MCHR2: variants seen among roughly 807,000 people sequenced by gnomAD.
MCHR2 encodes melanin-concentrating hormone receptor 2.
In MCHR2, 15 loss-of-function variants were observed where a neutral mutation model predicts 24.8. That is an observed-to-expected ratio of 0.60 (90% CI 0.40 to 0.93). The LOEUF (loss-of-function observed/expected upper bound fraction) is 0.93, where lower values mean the gene tolerates loss of function less well. MCHR2 is among the 40% of genes least tolerant of loss of function. The pLI is 0.00. For synonymous variants in MCHR2, 151 were observed against 147.6 expected (o/e 1.02, Z -0.17); for missense variants, 386 against 408.7 (o/e 0.94, Z 0.48).
At chr6:99,958,113 G>A (rs1775102391) in intron 1 of MCHR2, among the ~76,000 whole-genome samples, 1 of 152,062 alleles carries the variant, frequency 6.6e-6, no homozygotes, top group Admixed American at 6.6e-5. Flanking sequence ...AATCTACACA[G>A]TGTGATATTT....
chr6:99,984,096 A>G (rs896166867), intron 1 of MCHR2, among the ~76,000 whole-genome samples: 3 of 152,206 alleles, frequency 2.0e-5, no homozygotes, highest in African/African-American at 7.2e-5. Context: ...CATAATAAAG[A>G]AGTCCAGAAG....
intron 4 of MCHR2, among the ~76,000 whole-genome samples, chr6:99,940,020 C>T (rs2114517181): frequency 6.6e-6 from 1 of 151,410 alleles, no homozygotes; most frequent in Middle Eastern, 3.4e-3. Flanking sequence ...AGAGTTCTAT[C>T]TTTGTCTTTG....
At chr6:99,967,090 T>C (rs1775308805) in intron 1 of MCHR2, among the ~76,000 whole-genome samples, 1 of 152,014 alleles carries the variant, frequency 6.6e-6, no homozygotes, top group Non-Finnish European at 1.5e-5. Context: ...TTTTGACACT[T>C]ACTTGAAATA....
At chr6:99,968,022 T>G (rs1188557618) in intron 1 of MCHR2, among the ~76,000 whole-genome samples, 1 of 152,214 alleles carries the variant, frequency 6.6e-6, no homozygotes, top group Non-Finnish European at 1.5e-5. Flanking sequence ...TATCTCATAC[T>G]GAGGTTGTGA....
At chr6:99,946,766 T>C (rs1326572426) in intron 3 of MCHR2, among the ~76,000 whole-genome samples, 1 of 152,102 alleles carries the variant, frequency 6.6e-6, no homozygotes, top group Non-Finnish European at 1.5e-5. Context: ...GAGGATTAAA[T>C]GTGTTGGGCT....
At chr6:99,967,745 C>A (rs1775320906) in intron 1 of MCHR2, among the ~76,000 whole-genome samples, 1 of 152,150 alleles carries the variant, frequency 6.6e-6, no homozygotes, top group Admixed American at 6.6e-5. Context: ...TCCATACACA[C>A]CTATGGATCC....
chr6:99,930,971 T>G (rs1774511391), intron 5 of MCHR2, among the ~76,000 whole-genome samples: 1 of 152,162 alleles, frequency 6.6e-6, no homozygotes, highest in Non-Finnish European at 1.5e-5. Flanking sequence ...CTTTGTGGTT[T>G]TATCTACTTT....
At position 99,986,463 on chromosome 6, in the gene MCHR2, A is replaced by G. The variant is rs772467938; in HGVS notation, c.-28+7473T>C. On this transcript the variant is annotated intron_variant, in intron 1 of 5. Transcript: ENST00000281806. ...AGCAGATAAAGAAAATGTGGTATAT[A>G]TGTATACTATGGAATCCTACTCAGT... Among the ~76,000 whole-genome samples the G allele has an allele frequency of 4.8e-4, 73 of 152,312 alleles. 1 individual carries two copies. Among genetic ancestry groups the G allele is most frequent in the Admixed American group, 2.4e-3 (36 of 15,296 alleles).
At chr6:99,930,311 T>G (rs971704773) in intron 5 of MCHR2, among the ~76,000 whole-genome samples, 1 of 152,200 alleles carries the variant, frequency 6.6e-6, no homozygotes, top group Non-Finnish European at 1.5e-5. Flanking sequence ...CTGACTATTA[T>G]GTGTCTTGGA....
Position 99,919,383 on chromosome 6 carries a change from G to A in MCHR2, c.*1557C>T, listed in dbSNP as rs961170598. Among the ~76,000 whole-genome samples, 1 of 152,134 alleles carries A rather than the reference G, an allele frequency of 6.6e-6. No individual in the cohort carries two copies. Among genetic ancestry groups the A allele is most frequent in the Admixed American group, 6.5e-5 (1 of 15,270 alleles). ...AATACAAGTTTATCCAAACACAATT[G>A]AAATATAAAAATGGAGATCAGATAT... On this transcript the variant is annotated 3_prime_UTR_variant, in exon 6 of 6. Coordinates refer to ENST00000281806, the MANE Select transcript of MCHR2 (RefSeq NM_001040179.2).
intron 1 of MCHR2, among the ~76,000 whole-genome samples, chr6:99,958,475 G>A (rs972524316): frequency 1.3e-5 from 2 of 151,868 alleles, no homozygotes; most frequent in Admixed American, 1.3e-4. Context: ...GGTCCTTGGA[G>A]TAAAAAATTC....
chr6:99,941,560 T>A (rs1183104773), intron 4 of MCHR2, among the ~76,000 whole-genome samples: 1 of 152,078 alleles, frequency 6.6e-6, no homozygotes, highest in Non-Finnish European at 1.5e-5. Context: ...ACTAATTAAG[T>A]CATGAGAGTC....
At chr6:99,986,673 G>A (rs1345315062) in intron 1 of MCHR2, among the ~76,000 whole-genome samples, 2 of 152,018 alleles carry the variant, frequency 1.3e-5, no homozygotes, top group Admixed American at 1.3e-4. Context: ...TCCAAAAGGT[G>A]GGAAGGTGGG....
intron 1 of MCHR2, among the ~76,000 whole-genome samples, chr6:99,972,108 A>G (rs1353206320): frequency 1.3e-5 from 2 of 152,240 alleles, no homozygotes; most frequent in Admixed American, 6.5e-5. Flanking sequence ...CTCTTTTTCT[A>G]TTGATTGGAA....
At chr6:99,924,168 C>G (rs1310605498) in intron 5 of MCHR2, among the ~76,000 whole-genome samples, 1 of 152,040 alleles carries the variant, frequency 6.6e-6, no homozygotes, top group Non-Finnish European at 1.5e-5. Context: ...TTGTCCATTT[C>G]TTCTAGGTTT....
chr6:99,965,429 C>T (rs1456442595), intron 1 of MCHR2, among the ~76,000 whole-genome samples: 1 of 152,168 alleles, frequency 6.6e-6, no homozygotes, highest in Non-Finnish European at 1.5e-5. Context: ...ATATGACTGA[C>T]TGGCTGAACC....
At chr6:99,947,572 T>A (rs1314153635) in intron 3 of MCHR2, among the ~76,000 whole-genome samples, 190 bp downstream of exon 3, 1 of 152,194 alleles carries the variant, frequency 6.6e-6, no homozygotes, top group East Asian at 1.9e-4. Context: ...TTTTGTGTTT[T>A]ATGTTTTCCA....
At chr6:99,959,698 A>G (rs1393819675) in intron 1 of MCHR2, among the ~76,000 whole-genome samples, 1 of 150,230 alleles carries the variant, frequency 6.7e-6, no homozygotes, top group African/African-American at 2.4e-5. Flanking sequence ...GAGAAATGCA[A>G]CAATTGAAAT....
At chr6:99,960,528 A>C (rs1334085693) in intron 1 of MCHR2, among the ~76,000 whole-genome samples, 2 of 152,300 alleles carry the variant, frequency 1.3e-5, no homozygotes, top group Non-Finnish European at 1.5e-5. Context: ...AGCCAAGACA[A>C]TCCTAGGCAA....
Sources: allele counts gnomAD v4.1 joint callset (sites outside exome capture counted in the v4.1 genomes callset), GRCh38; gene constraint gnomAD v4.1.1; transcripts MANE v1.5; gene names NCBI Gene and HGNC (gene_info 2026-07-23, HGNC 2026-07-21).